The following MGA variants were observed in gnomAD, a reference collection of about 807,000 sequenced individuals.
MGA encodes MAX dimerization protein MGA.
In MGA, 40 loss-of-function variants were observed where a neutral mutation model predicts 261.1. The observed-to-expected ratio is 0.15, with a 90% CI of 0.12 to 0.20. MGA has a LOEUF of 0.20. Among genes scored for constraint, MGA ranks in the 10% least tolerant of loss-of-function variants. The pLI, the probability that MGA is intolerant of heterozygous loss-of-function variation, is 1.00. For missense variants in MGA, 3,397 were observed against 3,630.5 expected, an observed-to-expected ratio of 0.94 and a Z score of 1.65; for synonymous variants, 1,302 against 1,290.6, an observed-to-expected ratio of 1.01 and a Z score of -0.19.
rs954324765 is a variant in MGA, at chr15:41,760,580, C to G, written c.7398+51C>G. On this transcript the variant is annotated intron_variant, in intron 20 of 23. Transcript: ENST00000219905. Reference sequence around the variant, plus strand: ...AAGAGCTTGACTAAGAGATTCTTACCGATGATATGAGAAAGATAATCCACT... The same window carrying G: ...AAGAGCTTGACTAAGAGATTCTTACGGATGATATGAGAAAGATAATCCACT... The G allele has an allele frequency of 2.2e-5, 34 of 1,549,232 alleles. No homozygotes were observed. In the African/African-American group the frequency reaches 4.0e-4, roughly 18 times the overall value.
At chr15:41,698,740 T>A (rs768349462) in intron 3 of MGA, 123 bp from the exon 4 acceptor site, 6 of 671,030 alleles carry the variant, frequency 8.9e-6, no homozygotes, top group Non-Finnish European at 1.5e-5. Flanking sequence ...TCTGCCAATG[T>A]TAGCGTAACT....
chr15:41,681,520 A>C (rs1270572684), intron 2 of MGA, among the ~76,000 whole-genome samples: 3 of 151,706 alleles, frequency 2.0e-5, no homozygotes, highest in Non-Finnish European at 4.4e-5. Flanking sequence ...GGGTGATCAC[A>C]GTTCACTGCA....
intron 19 of MGA, among the ~76,000 whole-genome samples, chr15:41,758,137 A>G (rs74014613): frequency 0.011 from 1,685 of 152,270 alleles, 31 homozygotes; most frequent in African/African-American, 0.039. Flanking sequence ...CTGATGTAAA[A>G]CAAGGTGCCA....
chr15:41,749,549 C>T lies in MGA; in HGVS notation c.5942C>T (p.Thr1981Ile). ...CAGAATCCAGACCAGAAAGATGAAACAAACTCAATAAAAAGAGAGCAAGAA... is the reference window on the plus strand; with the variant it reads ...CAGAATCCAGACCAGAAAGATGAAATAAACTCAATAAAAAGAGAGCAAGAA... Residue 1981 changes from threonine to isoleucine, a missense_variant, in exon 17 of 24, where the codon ACA becomes ATA. Thr to Ile is a moderately conservative substitution (Grantham distance 89). Around this residue, in one of 9 missense-constraint regions of MGA, gnomAD observed 1,410 missense variants for 1,386.4 expected, o/e 1.02. Coordinates refer to ENST00000219905, the MANE Select transcript of MGA (RefSeq NM_001164273.2). The T allele has an allele frequency of 6.2e-7, 1 of 1,613,872 alleles. No individual in the cohort carries two copies. The highest frequency in any genetic ancestry group is 8.5e-7 in the Non-Finnish European group (1 of 1,179,870).
intron 1 of MGA, among the ~76,000 whole-genome samples, chr15:41,653,420 A>G (rs1400500208): frequency 6.6e-6 from 1 of 152,048 alleles, no homozygotes; most frequent in Non-Finnish European, 1.5e-5. Context: ...AAACCCACAC[A>G]AAAAATAGGT....
At chr15:41,711,646 A>T (rs757456640) in intron 8 of MGA, among the ~76,000 whole-genome samples, 1 of 152,148 alleles carries the variant, frequency 6.6e-6, no homozygotes, top group African/African-American at 2.4e-5. Context: ...TTTCCAACAT[A>T]TGGGCAAGTA....
chr15:41,749,423 T>G lies in MGA; in HGVS notation c.5816T>G (p.Leu1939Arg). 1 of 1,614,004 alleles carries G rather than the reference T, an allele frequency of 6.2e-7. No individual in the cohort carries two copies. Among genetic ancestry groups the G allele is most frequent in the Non-Finnish European group, 8.5e-7 (1 of 1,179,894 alleles). Residue 1939 changes from leucine (L) to arginine (R), a missense_variant, in exon 17 of 24, where the codon CTC (leucine) becomes CGC (arginine). Transcript: ENST00000219905. The stretch of plus-strand genomic sequence containing the variant: ...GTTGGTACAGCCAGTCTTATTCCTC[T>G]CCAGTCTGGTAGTTTTGCCTTGTTA...
intron 2 of MGA, among the ~76,000 whole-genome samples, chr15:41,681,587 A>G (rs2058682786): frequency 6.6e-6 from 1 of 151,958 alleles, no homozygotes; most frequent in Non-Finnish European, 1.5e-5. Flanking sequence ...AGTAGCTGAG[A>G]CTATAAGTGT....
chr15:41,625,163 T>C (rs992308979), intron 1 of MGA, among the ~76,000 whole-genome samples: 2 of 152,058 alleles, frequency 1.3e-5, no homozygotes, highest in Non-Finnish European at 1.5e-5. Flanking sequence ...AAGGAGCTGT[T>C]CTACTAAGCA....
intron 17 of MGA, among the ~76,000 whole-genome samples, chr15:41,752,881 G>A (rs962913024): frequency 3.9e-5 from 6 of 152,120 alleles, no homozygotes; most frequent in Non-Finnish European, 8.8e-5. Context: ...ATCATACAAG[G>A]AGGCATTGCT....
intron 1 of MGA, among the ~76,000 whole-genome samples, chr15:41,662,288 A>G (rs1024582978): frequency 6.6e-5 from 10 of 152,164 alleles, no homozygotes; most frequent in African/African-American, 2.4e-4. Context: ...AATTCTGCTT[A>G]CCCAACTGCT....
intron 1 of MGA, among the ~76,000 whole-genome samples, chr15:41,639,556 A>AT (rs1040434106): frequency 1.3e-4 from 19 of 146,030 alleles, no homozygotes; most frequent in Non-Finnish European, 1.8e-4. Context: ...TATTATTTTT[A>AT]TTTTTTTAGA....
chr15:41,729,849 ATTAT>A (rs1196485373), intron 11 of MGA, among the ~76,000 whole-genome samples: 3 of 151,874 alleles, frequency 2.0e-5, no homozygotes, highest in Non-Finnish European at 4.4e-5. Flanking sequence ...AAATATGTAT[ATTAT>A]TCTTTCTTTT....
chr15:41,723,172 CT>C (rs200182956), intron 9 of MGA, among the ~76,000 whole-genome samples: 1 of 151,254 alleles, frequency 6.6e-6, no homozygotes, highest in African/African-American at 2.4e-5. Flanking sequence ...GAGTGTTGTT[CT>C]TTTTTTTTCC....
At position 41,698,928 on chromosome 15, in the gene MGA, C is replaced by T. The variant is rs908920605; in HGVS notation, c.2079C>T (p.Thr693=). The change falls in exon 4 of 24, where the codon ACC becomes ACT. Residue 693 remains threonine (T), a synonymous_variant. Transcript: ENST00000219905. The stretch of plus-strand genomic sequence containing the variant: ...AATCTTCTAGTCTCCAGGCATCAAC[C>T]ACAAATGACTCAGGTATTATAAAAT... 4.3e-5 allele frequency: 66 copies of T among 1,550,272 alleles called. 1 individual carries two copies. The highest frequency in any genetic ancestry group is 5.4e-5 in the Non-Finnish European group (62 of 1,146,384).
intron 9 of MGA, among the ~76,000 whole-genome samples, chr15:41,714,406 G>C (rs2060526099): frequency 6.6e-6 from 1 of 152,200 alleles, no homozygotes; most frequent in African/African-American, 2.4e-5. Context: ...GTTCAAGACA[G>C]GCTATTAAAA....
At chr15:41,704,580 C>A (rs2060012918) in intron 5 of MGA, among the ~76,000 whole-genome samples, 1 of 152,138 alleles carries the variant, frequency 6.6e-6, no homozygotes. Context: ...ATGGCTTGAA[C>A]CTGGGAGGCG....
At chr15:41,763,592 A>G (rs2063622455) in intron 22 of MGA, among the ~76,000 whole-genome samples, 1 of 151,878 alleles carries the variant, frequency 6.6e-6, no homozygotes, top group Non-Finnish European at 1.5e-5. Flanking sequence ...AAAAATACAA[A>G]ATTAGCCAGG....
At chr15:41,645,317 C>T (rs1324127564) in intron 1 of MGA, among the ~76,000 whole-genome samples, 1 of 152,220 alleles carries the variant, frequency 6.6e-6, no homozygotes, top group East Asian at 1.9e-4. Context: ...GGGCCGAGTG[C>T]GGTGGCTCAC....
Sources: allele counts gnomAD v4.1 joint callset (sites outside exome capture counted in the v4.1 genomes callset), GRCh38; gene constraint gnomAD v4.1.1; regional missense constraint gnomAD v4.1.1; transcripts MANE v1.5; gene names NCBI Gene and HGNC (gene_info 2026-07-23, HGNC 2026-07-21).